ATP2C1: variants seen among roughly 807,000 people sequenced by gnomAD.
The protein encoded by ATP2C1 is ATPase secretory pathway Ca2+ transporting 1.
A neutral mutation model predicts 120.5 loss-of-function variants in ATP2C1; 31 were observed. That is an observed-to-expected ratio of 0.26 (90% CI 0.19 to 0.35). ATP2C1 has a LOEUF of 0.35. ATP2C1 is among the 10% of genes least tolerant of loss of function. The probability of loss-of-function intolerance (pLI) is 1.00; values close to 1 mark genes in which losing one functional copy is unlikely to be tolerated. For synonymous variants in ATP2C1, 351 were observed against 358.7 expected (o/e 0.98, Z 0.24); for missense variants, 731 against 1,107.5 (o/e 0.66, Z 4.83).
chr3:130,914,428 TAACTC>T (rs1370782100), intron 2 of ATP2C1: 2 of 152,168 alleles, frequency 1.3e-5, no homozygotes. Flanking sequence ...TCAGTTGAGA[TAACTC>T]AACTGCCTTC....
chr3:131,005,518 A>G (rs17203777), downstream of ATP2C1, among the ~76,000 whole-genome samples: 25,274 of 152,236 alleles, frequency 0.17, 2,256 homozygotes, highest in Middle Eastern at 0.22. Flanking sequence ...TAGTAGAGCT[A>G]TTAGCAGAAG....
At chr3:130,851,412 A>C (rs1022995441) in intron 1 of ATP2C1, among the ~76,000 whole-genome samples, 2 of 152,246 alleles carry the variant, frequency 1.3e-5, no homozygotes, top group African/African-American at 4.8e-5. Context: ...ATTCAGAAGC[A>C]GTTGGTCATT....
intron 18 of ATP2C1, among the ~76,000 whole-genome samples, chr3:130,976,723 C>G (rs574379029): frequency 6.6e-6 from 1 of 152,276 alleles, no homozygotes; most frequent in African/African-American, 2.4e-5. Context: ...GCTTTCTGGA[C>G]CCCTGAAGCC....
At chr3:130,994,237 C>A in intron 22 of ATP2C1, 139 bp downstream of exon 22, 1 of 980,326 alleles carries the variant, frequency 1.0e-6, no homozygotes, top group Non-Finnish European at 1.5e-6. Flanking sequence ...GGTAATTATC[C>A]TATTTTATGG....
At chr3:130,902,346 G>A (rs115083358) in intron 2 of ATP2C1, among the ~76,000 whole-genome samples, 156 of 121,646 alleles carry the variant, frequency 1.3e-3, no homozygotes, top group African/African-American at 5.0e-3. Flanking sequence ...GGGATGCCTA[G>A]GAAACATAGA....
At chr3:130,924,852 C>T (rs1745669) in intron 2 of ATP2C1, among the ~76,000 whole-genome samples, 69,192 of 151,514 alleles carry the variant, frequency 0.46, 18,479 homozygotes, top group Middle Eastern at 0.63. Context: ...TCTGCTTGTT[C>T]GATTCTATTG....
chr3:130,961,546 AG>A (rs1279972890), intron 12 of ATP2C1, among the ~76,000 whole-genome samples: 1 of 152,090 alleles, frequency 6.6e-6, no homozygotes, highest in African/African-American at 2.4e-5. Flanking sequence ...TAAAACAATA[AG>A]AAAGCAGAAA....
rs142590071 is a variant in ATP2C1 at position 130,916,439 on chromosome 3, A to G, written c.7-13977A>G. On this transcript the variant is annotated intron_variant, in intron 2 of 27. Transcript: ENST00000510168. ...TCAAAAAATAAAAATAAATAAAAAA[A>G]TAAAGTGAGGTCGAAACTATGATTT... Among the ~76,000 whole-genome samples, 294 of 152,246 alleles carry G rather than the reference A, an allele frequency of 1.9e-3. 1 individual carries two copies. The highest frequency in any genetic ancestry group is 5.6e-3 in the African/African-American group (231 of 41,560).
At chr3:130,894,063 G>A, upstream of ATP2C1, 1 of 984,836 alleles carries the variant, frequency 1.0e-6, no homozygotes, top group Non-Finnish European at 1.2e-6. This position sits in a 1 kb window ranked among gnomAD's most constrained non-coding sequence, Gnocchi z 4.5. Context: ...GGGGCGGAGC[G>A]CAGGAGTCGG....
downstream of ATP2C1, among the ~76,000 whole-genome samples, chr3:131,006,331 C>T (rs1301623276): frequency 3.3e-5 from 5 of 152,092 alleles, no homozygotes; most frequent in African/African-American, 4.8e-5. Context: ...AGGCTGGTCT[C>T]GAATTCCTGA....
At chr3:130,970,407 C>CACACACACACACACACA (rs1559991359) in intron 17 of ATP2C1, among the ~76,000 whole-genome samples, 1 of 146,102 alleles carries the variant, frequency 6.8e-6, no homozygotes, top group African/African-American at 2.6e-5. Context: ...CACACACACA[C>CACACACACACACACACA]CCTTAAACTT....
At chr3:130,952,425 T>A (rs140612014) in intron 8 of ATP2C1, among the ~76,000 whole-genome samples, 40 of 152,220 alleles carry the variant, frequency 2.6e-4, no homozygotes, top group Non-Finnish European at 4.4e-4. Context: ...TTACGTGAGG[T>A]TATTTGAGGT....
chr3:130,986,334 A>G (rs966408813), intron 20 of ATP2C1, among the ~76,000 whole-genome samples: 2 of 152,178 alleles, frequency 1.3e-5, no homozygotes, highest in Non-Finnish European at 2.9e-5. Flanking sequence ...ACATTTTACC[A>G]TTAGACTTCT....
At chr3:130,906,853 T>C (rs1559905872) in intron 2 of ATP2C1, among the ~76,000 whole-genome samples, 1 of 152,056 alleles carries the variant, frequency 6.6e-6, no homozygotes, top group South Asian at 2.1e-4. Flanking sequence ...ATTTCTGCAC[T>C]CTGACTTCTA....
At chr3:131,011,604 C>T (rs1289984809) in intron 26 of ATP2C1, among the ~76,000 whole-genome samples, 1 of 152,212 alleles carries the variant, frequency 6.6e-6, no homozygotes, top group Non-Finnish European at 1.5e-5. Context: ...AATTCCTATT[C>T]TTTAAAGCCA....
intron 2 of ATP2C1, among the ~76,000 whole-genome samples, chr3:130,913,231 AAACTT>A (rs2058524703): frequency 1.3e-5 from 2 of 151,852 alleles, no homozygotes; most frequent in Non-Finnish European, 1.5e-5. Context: ...ATGTACCCTA[AAACTT>A]AAAGTATAAT....
chr3:130,937,497 A>G (rs373204821), intron 6 of ATP2C1, 34 bp downstream of exon 6: 28 of 1,584,214 alleles, frequency 1.8e-5, no homozygotes, highest in Middle Eastern at 1.7e-4. Context: ...TGAAAATGGT[A>G]TGTTAATTGC....
chr3:130,992,126 G>T (rs573696552), intron 20 of ATP2C1, among the ~76,000 whole-genome samples: 12 of 152,340 alleles, frequency 7.9e-5, no homozygotes, highest in Admixed American at 3.3e-4. Flanking sequence ...GTGAGTTACA[G>T]TCTCATCTGA....
chr3:130,863,942 A>G (rs1435895762), intron 1 of ATP2C1, among the ~76,000 whole-genome samples: 1 of 152,192 alleles, frequency 6.6e-6, no homozygotes, highest in Non-Finnish European at 1.5e-5. Flanking sequence ...ACAGACTAAT[A>G]TAGTAAATTG....
Sources: allele counts gnomAD v4.1 joint callset (sites outside exome capture counted in the v4.1 genomes callset), GRCh38; gene constraint gnomAD v4.1.1; non-coding constraint Gnocchi (gnomAD v3.1); transcripts MANE v1.5; gene names NCBI Gene and HGNC (gene_info 2026-07-23, HGNC 2026-07-21).